GABRG3: variants seen among roughly 807,000 people sequenced by gnomAD.
The protein encoded by GABRG3 is gamma-aminobutyric acid type A receptor subunit gamma3, also known as gamma-aminobutyric acid receptor subunit gamma-3.
In GABRG3, 25 loss-of-function variants were observed where a neutral mutation model predicts 48.8. The observed-to-expected ratio is 0.51, with a 90% CI of 0.37 to 0.72. The LOEUF (loss-of-function observed/expected upper bound fraction) is 0.72. Among genes scored for constraint, GABRG3 ranks in the 30% least tolerant of loss-of-function variants. The pLI, the probability that GABRG3 is intolerant of heterozygous loss-of-function variation, is 0.00. For missense variants in GABRG3, 394 were observed against 577.9 expected, an observed-to-expected ratio of 0.68 and a Z score of 3.26; for synonymous variants, 227 against 217.6, an observed-to-expected ratio of 1.04 and a Z score of -0.38.
At chr15:27,519,660 A>C (rs147644170) in intron 6 of GABRG3, among the ~76,000 whole-genome samples, 1 of 152,308 alleles carries the variant, frequency 6.6e-6, no homozygotes, top group African/African-American at 2.4e-5. Flanking sequence ...AACCTATGGA[A>C]GGACTCAAGT....
intron 3 of GABRG3, among the ~76,000 whole-genome samples, chr15:27,261,165 T>C (rs1212481521): frequency 6.6e-6 from 1 of 152,106 alleles, no homozygotes; most frequent in Non-Finnish European, 1.5e-5. Flanking sequence ...GAAGCAAAGG[T>C]CAGCTTATTC....
At chr15:27,206,124 A>T in intron 3 of GABRG3, among the ~76,000 whole-genome samples, 1 of 151,952 alleles carries the variant, frequency 6.6e-6, no homozygotes, top group East Asian at 1.9e-4. Flanking sequence ...TTGTTTTTCT[A>T]GTTCCTCTAG....
intron 5 of GABRG3, among the ~76,000 whole-genome samples, chr15:27,351,340 G>T (rs1894578096): frequency 6.9e-6 from 1 of 145,826 alleles, no homozygotes; most frequent in Non-Finnish European, 1.5e-5. Flanking sequence ...TGTGTGTATG[G>T]TATATGTGTG....
At chr15:27,271,673 G>A (rs767398709) in intron 3 of GABRG3, 13 of 453,828 alleles carry the variant, frequency 2.9e-5, no homozygotes, top group Middle Eastern at 3.3e-4. Context: ...CCTGGGAACC[G>A]TGTGGGAGCA....
At chr15:27,282,110 C>G (rs1381928549) in intron 3 of GABRG3, among the ~76,000 whole-genome samples, 2 of 152,094 alleles carry the variant, frequency 1.3e-5, no homozygotes, top group Non-Finnish European at 2.9e-5. Flanking sequence ...TCATTGCTCC[C>G]CATGAGTGTT....
chr15:27,091,867 GTGTTCTCC>G (rs1238058801), intron 3 of GABRG3, among the ~76,000 whole-genome samples: 1 of 152,184 alleles, frequency 6.6e-6, no homozygotes, highest in African/African-American at 2.4e-5. Context: ...AAATCCTGCA[GTGTTCTCC>G]TGTCCTGTTT....
intron 6 of GABRG3, among the ~76,000 whole-genome samples, chr15:27,519,570 C>T (rs914583724): frequency 6.6e-6 from 1 of 152,140 alleles, no homozygotes; most frequent in Non-Finnish European, 1.5e-5. Flanking sequence ...GCTTTGTTGT[C>T]ATTGGAAAAG....
At chr15:27,258,158 AGGGCAGCCTAAGTG>A (rs1358519235) in intron 3 of GABRG3, among the ~76,000 whole-genome samples, 2 of 152,120 alleles carry the variant, frequency 1.3e-5, no homozygotes, top group Admixed American at 1.3e-4. Context: ...GCAATTTCTG[AGGGCAGCCTAAGTG>A]GGGAGGTGAC....
intron 3 of GABRG3, among the ~76,000 whole-genome samples, chr15:27,166,719 A>G (rs147427300): frequency 1.7e-3 from 255 of 152,220 alleles, no homozygotes; most frequent in African/African-American, 5.3e-3. Flanking sequence ...AAATGAAGAC[A>G]CTCCACTTAT....
At chr15:27,486,249 T>C (rs1890217175) in intron 6 of GABRG3, among the ~76,000 whole-genome samples, 1 of 152,152 alleles carries the variant, frequency 6.6e-6, no homozygotes. Context: ...CCAGATTAAT[T>C]GCACTAGGAG....
intron 3 of GABRG3, among the ~76,000 whole-genome samples, chr15:27,069,078 C>CA (rs1896784910): frequency 6.6e-6 from 1 of 152,164 alleles, no homozygotes; most frequent in African/African-American, 2.4e-5. Context: ...TACGCTGGGT[C>CA]AAATCATTTT....
chr15:27,247,003 A>AC (rs1890290873), intron 3 of GABRG3, among the ~76,000 whole-genome samples: 2 of 152,138 alleles, frequency 1.3e-5, no homozygotes, highest in South Asian at 4.1e-4. Context: ...CCTCTCTTTC[A>AC]CCCAGGCTGA....
At chr15:27,084,240 T>C (rs1897039320) in intron 3 of GABRG3, among the ~76,000 whole-genome samples, 1 of 152,250 alleles carries the variant, frequency 6.6e-6, no homozygotes, top group Non-Finnish European at 1.5e-5. Flanking sequence ...TTATCCCACG[T>C]GCCTCTGAAA....
intron 2 of GABRG3, among the ~76,000 whole-genome samples, chr15:27,020,642 C>T (rs1157445105): frequency 6.6e-6 from 1 of 152,030 alleles, no homozygotes; most frequent in Admixed American, 6.6e-5. Context: ...TGGTCTCGAT[C>T]TCCCGACCTC....
At chr15:27,178,483 G>A (rs1447362074) in intron 3 of GABRG3, among the ~76,000 whole-genome samples, 1 of 152,146 alleles carries the variant, frequency 6.6e-6, no homozygotes, top group Middle Eastern at 3.2e-3. Context: ...AACTGTACGG[G>A]GCCAAGGAAG....
intron 2 of GABRG3, among the ~76,000 whole-genome samples, chr15:26,995,717 A>G (rs1895328560): frequency 1.3e-5 from 2 of 152,106 alleles, no homozygotes. Flanking sequence ...CTGAGATTAT[A>G]CAAACTTAAT....
intron 5 of GABRG3, among the ~76,000 whole-genome samples, chr15:27,359,481 GTGAT>G (rs1894952178): frequency 6.6e-6 from 1 of 152,140 alleles, no homozygotes; most frequent in African/African-American, 2.4e-5. Context: ...TATTTTGAAA[GTGAT>G]TGAGTTAAAC....
intron 5 of GABRG3, among the ~76,000 whole-genome samples, chr15:27,472,927 T>C (rs780499904): frequency 6.6e-6 from 1 of 152,308 alleles, no homozygotes; most frequent in African/African-American, 2.4e-5. Flanking sequence ...GAATGTATGA[T>C]GGATTATACT....
intron 4 of GABRG3, among the ~76,000 whole-genome samples, chr15:27,328,412 C>A (rs572732457): frequency 6.6e-6 from 1 of 152,200 alleles, no homozygotes; most frequent in African/African-American, 2.4e-5. Context: ...AAATCCCCCC[C>A]GATGCGTGCA....
Sources: gnomAD v4.1 joint callset for allele counts (sites outside exome capture counted in the v4.1 genomes callset) on GRCh38, gnomAD v4.1.1 for gene constraint, MANE v1.5 for transcripts, NCBI Gene and HGNC (gene_info 2026-07-23, HGNC 2026-07-21) for gene names.